PLS3: variants seen among roughly 807,000 people sequenced by gnomAD.
PLS3 encodes plastin 3.
A neutral mutation model predicts 46.5 loss-of-function variants in PLS3; 11 were observed. The observed-to-expected ratio is 0.24, with a 90% confidence interval of 0.15 to 0.39. PLS3 has a LOEUF of 0.39. PLS3 is among the 10% of genes least tolerant of loss of function. The pLI is 1.00. For synonymous variants in PLS3, 167 were observed against 162.2 expected, an observed-to-expected ratio of 1.03 and a Z score of -0.22; for missense variants, 308 against 461.8, an observed-to-expected ratio of 0.67 and a Z score of 3.05.
At chrX:115,599,939 A>T (rs1263109665) in intron 1 of PLS3, among the ~76,000 whole-genome samples, 2 of 110,812 alleles carry the variant, frequency 1.8e-5, no homozygotes, top group African/African-American at 3.3e-5. Flanking sequence ...TGAGAAATAC[A>T]TCTTTTTAAT....
chrX:115,595,404 G>T (rs190489552), intron 1 of PLS3, among the ~76,000 whole-genome samples: 1 of 110,786 alleles, frequency 9.0e-6, no homozygotes, highest in Non-Finnish European at 1.9e-5. Context: ...CCAGAAAAAT[G>T]AACTCATTTC....
intron 1 of PLS3, among the ~76,000 whole-genome samples, chrX:115,599,091 C>T (rs1401753658): frequency 1.8e-5 from 2 of 110,993 alleles, no homozygotes; most frequent in Non-Finnish European, 3.8e-5. Flanking sequence ...TTCTCGATAT[C>T]ATGGTCATAT....
chrX:115,629,756 C>A, intron 4 of PLS3, 79 bp from the exon 5 acceptor site: 1 of 653,716 alleles, frequency 1.5e-6, no homozygotes, highest in Non-Finnish European at 2.3e-6. Context: ...CACTACTGCA[C>A]AACTATTTTA....
intron 1 of PLS3, among the ~76,000 whole-genome samples, chrX:115,563,365 G>C (rs1350726173): frequency 9.0e-6 from 1 of 111,608 alleles, no homozygotes; most frequent in African/African-American, 3.3e-5. Context: ...GCCTGTCAGT[G>C]GTTTGGTAGA....
At chrX:115,626,523 A>G (rs1263918367) in intron 3 of PLS3, among the ~76,000 whole-genome samples, 1 of 110,732 alleles carries the variant, frequency 9.0e-6, no homozygotes, top group Non-Finnish European at 1.9e-5. Flanking sequence ...ACCTCAAACC[A>G]TCCGCCCACC....
rs782745175 is a variant in PLS3, at chrX:115,629,308, A to G, written c.348A>G (p.Gly116=). Residue 116 remains glycine (G), a synonymous_variant, in exon 4 of 16, where the codon GGA becomes GGG. Coordinates refer to ENST00000355899, the MANE Select transcript of PLS3 (RefSeq NM_005032.7). The stretch of plus-strand genomic sequence containing the variant: ...GAACTTCAGAGTTGTCCAGCGAAGG[A>G]ACACAGCATTCTTACTCAGGTAATC... ...LGGTSELSSE[G]TQHSYSEEEK... is the part of the protein sequence containing the mutation. 2.5e-6 allele frequency: 3 copies of G among 1,204,134 alleles called. No homozygotes were observed. The highest frequency in any genetic ancestry group is 3.4e-6 in the Non-Finnish European group (3 of 890,745).
intron 3 of PLS3, 105 bp downstream of exon 3, chrX:115,622,514 T>C (rs2074666802): frequency 1.1e-5 from 5 of 448,702 alleles, no homozygotes; most frequent in Middle Eastern, 1.3e-3. Flanking sequence ...AAATATATCA[T>C]ATTAGTACTG....
intron 5 of PLS3, among the ~76,000 whole-genome samples, chrX:115,633,514 G>A (rs1182819880): frequency 1.8e-5 from 2 of 110,051 alleles, no homozygotes; most frequent in Admixed American, 9.8e-5. Context: ...CTTTTGAGAC[G>A]GGGTCTTGCT....
chrX:115,630,694 CATATATATGT>C (rs2074755783), intron 5 of PLS3, among the ~76,000 whole-genome samples: 2 of 93,148 alleles, frequency 2.1e-5, no homozygotes, highest in African/African-American at 8.5e-5. Context: ...AAAATATATA[CATATATATGT>C]ATATATATAC....
intron 3 of PLS3, among the ~76,000 whole-genome samples, chrX:115,626,065 C>T (rs900000732): frequency 2.7e-5 from 3 of 111,426 alleles, no homozygotes; most frequent in South Asian, 7.6e-4. Flanking sequence ...AGTATCACAA[C>T]GGGCAGCTTT....
chrX:115,626,254 C>T (rs1556638464), intron 3 of PLS3, among the ~76,000 whole-genome samples: 1 of 110,884 alleles, frequency 9.0e-6, no homozygotes, highest in Non-Finnish European at 1.9e-5. Context: ...ATATCATAGA[C>T]ACAAATCTTC....
At chrX:115,576,573 T>C (rs2074250327) in intron 1 of PLS3, among the ~76,000 whole-genome samples, 1 of 111,318 alleles carries the variant, frequency 9.0e-6, no homozygotes. Context: ...TATCCTGCAA[T>C]TTCAGATTAT....
rs782019404 is a variant in PLS3, at chrX:115,636,939, G to A, written c.852G>A (p.Ser284=). The part of the protein sequence containing the change: ...LRWANFHLEN[S]GWQKINNFSA... The stretch of plus-strand genomic sequence containing the variant: ...GGGCAAACTTTCATTTGGAAAACTC[G>A]GGCTGGCAAAAAATTAACAACTTTA... Residue 284 remains serine, a synonymous_variant, in exon 8 of 16, where the codon TCG becomes TCA. Coordinates refer to ENST00000355899, the MANE Select transcript of PLS3 (RefSeq NM_005032.7). 1.7e-6 allele frequency: 2 copies of A among 1,209,039 alleles called. No individual in the cohort carries two copies. The highest frequency in any genetic ancestry group is 2.2e-6 in the Non-Finnish European group (2 of 894,136).
At chrX:115,608,661 G>A (rs782275592) in intron 1 of PLS3, among the ~76,000 whole-genome samples, 6 of 111,604 alleles carry the variant, frequency 5.4e-5, no homozygotes, top group Non-Finnish European at 9.4e-5. Flanking sequence ...TTAGATATAC[G>A]GATACCATTG....
At chrX:115,649,196 A>G (rs1556642151) in intron 15 of PLS3, among the ~76,000 whole-genome samples, 1 of 111,805 alleles carries the variant, frequency 8.9e-6, no homozygotes, top group Admixed American at 9.6e-5. Context: ...GGAGAAAAAG[A>G]GTGAATAAAT....
chrX:115,643,252 G>A (rs1238667409), intron 9 of PLS3, 61 bp from the exon 10 acceptor site: 2 of 724,472 alleles, frequency 2.8e-6, no homozygotes, highest in Non-Finnish European at 4.3e-6. Context: ...TATGACAGTG[G>A]GGAAATTTTC....
At chrX:115,561,991 T>A in intron 1 of PLS3, among the ~76,000 whole-genome samples, 1 of 110,749 alleles carries the variant, frequency 9.0e-6, no homozygotes, top group Non-Finnish European at 1.9e-5. Context: ...CGTTCTCCCC[T>A]GGCCCCACAC....
intron 1 of PLS3, 74 bp from the exon 2 acceptor site, chrX:115,610,169 G>A: frequency 2.2e-6 from 1 of 460,392 alleles, no homozygotes; most frequent in African/African-American, 2.5e-5. Flanking sequence ...TTATCCCTAA[G>A]ATGAGAACTT....
chrX:115,600,726 G>A (rs1228824758), intron 1 of PLS3, among the ~76,000 whole-genome samples: 3 of 111,890 alleles, frequency 2.7e-5, no homozygotes, highest in Non-Finnish European at 5.6e-5. Flanking sequence ...TAACTATAGG[G>A]AGAAGTCTAT....
Sources: gnomAD v4.1 joint callset for allele counts (sites outside exome capture counted in the v4.1 genomes callset) on GRCh38, gnomAD v4.1.1 for gene constraint, MANE v1.5 for transcripts, NCBI Gene and HGNC (gene_info 2026-07-23, HGNC 2026-07-21) for gene names.